CDH1: variants seen among roughly 807,000 people sequenced by gnomAD.
CDH1 encodes the protein cadherin-1.
CDH1 carries 35 observed loss-of-function variants against 84.5 expected under a neutral mutation model. The ratio of observed to expected loss-of-function variants is 0.41; its 90% CI spans 0.32 to 0.55. The LOEUF (loss-of-function observed/expected upper bound fraction) is 0.55, where lower values mean the gene tolerates loss of function less well. Among genes scored for constraint, CDH1 ranks in the 20% least tolerant of loss-of-function variants. CDH1 has a pLI of 0.19. For missense variants in CDH1, 994 were observed against 1,126.6 expected (o/e 0.88, Z 1.68); for synonymous variants, 417 against 439.0 (o/e 0.95, Z 0.63).
intron 9 of CDH1, 87 bp downstream of exon 9, chr16:68,813,582 T>C (rs752196449): frequency 1.5e-6 from 2 of 1,373,402 alleles, no homozygotes; most frequent in Non-Finnish European, 2.1e-6. Context: ...TAGAAGTAGA[T>C]TCGCTTTGGC....
chr16:68,812,576 T>C (rs1181763462), intron 8 of CDH1, among the ~76,000 whole-genome samples: 1 of 152,224 alleles, frequency 6.6e-6, no homozygotes, highest in Admixed American at 6.5e-5. Flanking sequence ...ATTTTCTAAG[T>C]TTATATTAGG....
intron 3 of CDH1, among the ~76,000 whole-genome samples, chr16:68,806,918 C>T (rs1296079441): frequency 2.6e-5 from 4 of 152,122 alleles, no homozygotes; most frequent in Non-Finnish European, 4.4e-5. Flanking sequence ...TGTGATGATA[C>T]CTGGTCATAT....
chr16:68,763,885 T>A (rs1215627505), intron 2 of CDH1, among the ~76,000 whole-genome samples: 2 of 152,196 alleles, frequency 1.3e-5, no homozygotes, highest in Non-Finnish European at 2.9e-5. Context: ...CATTTTAAAA[T>A]AAGCCCATCC....
intron 11 of CDH1, among the ~76,000 whole-genome samples, chr16:68,821,161 A>G (rs10500544): frequency 0.055 from 8,369 of 152,152 alleles, 294 homozygotes; most frequent in African/African-American, 0.09. Flanking sequence ...GTGTCAAGAT[A>G]TAAAAGAAAT....
At chr16:68,743,842 CTA>C (rs1012944293) in intron 2 of CDH1, among the ~76,000 whole-genome samples, 1 of 152,214 alleles carries the variant, frequency 6.6e-6, no homozygotes, top group African/African-American at 2.4e-5. Flanking sequence ...CACTTTACTT[CTA>C]TGAGTCTCAG....
At chr16:68,757,280 G>C (rs62057830) in intron 2 of CDH1, among the ~76,000 whole-genome samples, 1 of 151,778 alleles carries the variant, frequency 6.6e-6, no homozygotes, top group African/African-American at 2.4e-5. Flanking sequence ...GTAGAGACAG[G>C]GTTTCACCAT....
At chr16:68,760,723 G>A (rs1006221655) in intron 2 of CDH1, among the ~76,000 whole-genome samples, 2 of 152,126 alleles carry the variant, frequency 1.3e-5, no homozygotes, top group Non-Finnish European at 2.9e-5. Context: ...CTGACCCAGG[G>A]GTGATAGAAA....
At chr16:68,774,777 A>G (rs1408684905) in intron 2 of CDH1, among the ~76,000 whole-genome samples, 1 of 152,068 alleles carries the variant, frequency 6.6e-6, no homozygotes, top group Non-Finnish European at 1.5e-5. Flanking sequence ...AAGGCTACTC[A>G]CCAACTGATG....
At chr16:68,787,806 C>T (rs1041165941) in intron 2 of CDH1, among the ~76,000 whole-genome samples, 2 of 150,798 alleles carry the variant, frequency 1.3e-5, no homozygotes, top group African/African-American at 4.9e-5. Context: ...TTATAGACAC[C>T]CACCACCACG....
chr16:68,745,554 ATATATATATG>A (rs1187850132), intron 2 of CDH1, among the ~76,000 whole-genome samples: 8 of 30,790 alleles, frequency 2.6e-4, no homozygotes, highest in African/African-American at 4.8e-4. Context: ...AAAAAAATAT[ATATATATATG>A]TATATATATA....
intron 6 of CDH1, among the ~76,000 whole-genome samples, 185 bp downstream of exon 6, chr16:68,810,526 TAGGG>T (rs1366232323): frequency 1.3e-5 from 2 of 152,096 alleles, no homozygotes; most frequent in Non-Finnish European, 2.9e-5. Flanking sequence ...ACATATAAAA[TAGGG>T]AGAGTTTAAG....
chr16:68,775,210 T>C (rs1390388859), intron 2 of CDH1, among the ~76,000 whole-genome samples: 1 of 152,138 alleles, frequency 6.6e-6, no homozygotes, highest in East Asian at 1.9e-4. Flanking sequence ...GCCTCTTAAG[T>C]GTGTGCGTCC....
In CDH1 at chr16:68,797,454, G is replaced by A. The variant is rs918435373; in HGVS notation, c.164-4216G>A. Among the ~76,000 whole-genome samples the A allele has an allele frequency of 3.9e-5, 6 of 152,146 alleles. 1 individual carries two copies. Among genetic ancestry groups the A allele is most frequent in the East Asian group, 1.9e-4 (1 of 5,158 alleles). Reference sequence around the variant, plus strand: ...TCCCAGCACTTTGGGAGGCCAAAGCGGGAAGATGGCTTGAGCCCAGGAGTT... The same window carrying A: ...TCCCAGCACTTTGGGAGGCCAAAGCAGGAAGATGGCTTGAGCCCAGGAGTT... On this transcript the variant is annotated intron_variant, in intron 2 of 15. Transcript: ENST00000261769.
chr16:68,754,045 G>T (rs1962956581), intron 2 of CDH1, among the ~76,000 whole-genome samples: 1 of 151,644 alleles, frequency 6.6e-6, no homozygotes, highest in African/African-American at 2.4e-5. Flanking sequence ...CTTGAACCTG[G>T]GAGGTGGAGC....
rs546782056 is a variant in CDH1, at chr16:68,827,956, C to G, written c.2165-218C>G. On this transcript the variant is annotated intron_variant, in intron 13 of 15. Coordinates refer to ENST00000261769, the MANE Select transcript of CDH1 (RefSeq NM_004360.5). ...ACCCATCTGAAAGTTAAGGACCATG[C>G]TTGAGTTCACATATCACTGTCTACT... is the stretch of plus-strand genomic sequence containing the variant. 2.0e-5 allele frequency among the ~76,000 whole-genome samples: 3 copies of G among 152,190 alleles called. No homozygotes were observed. The East Asian group carries it at 5.8e-4, about 29-fold the overall frequency.
In CDH1 at chr16:68,812,146, G is replaced by A. The variant is rs61747632; in HGVS notation, c.1020G>A (p.Thr340=). The A allele has an allele frequency of 1.4e-4, 234 of 1,614,084 alleles. 3 individuals carry two copies. In the East Asian group the frequency reaches 2.7e-3, roughly 18 times the overall value. Residue 340 remains threonine, a synonymous_variant, in exon 8 of 16, where the codon ACG becomes ACA. Coordinates refer to ENST00000261769, the MANE Select transcript of CDH1 (RefSeq NM_004360.5). The part of the protein sequence containing the change: ...TTGLDRESFP[T]YTLVVQAADL... ...CGATCTCTCTGCAGAGTTTCCCTAC[G>A]TATACCCTGGTGGTTCAAGCTGCTG...
intron 2 of CDH1, among the ~76,000 whole-genome samples, chr16:68,789,758 T>G (rs1004507396): frequency 3.9e-5 from 6 of 152,108 alleles, no homozygotes; most frequent in African/African-American, 1.4e-4. Flanking sequence ...GGCTGAGTAT[T>G]TTTAAAAAGT....
At chr16:68,777,603 G>A (rs543294796) in intron 2 of CDH1, among the ~76,000 whole-genome samples, 1 of 147,136 alleles carries the variant, frequency 6.8e-6, no homozygotes, top group Admixed American at 6.9e-5. Flanking sequence ...TGCAGTGGTG[G>A]TGCAACCACG....
intron 2 of CDH1, among the ~76,000 whole-genome samples, chr16:68,781,982 C>A (rs1049795770): frequency 3.3e-5 from 5 of 152,182 alleles, no homozygotes; most frequent in African/African-American, 1.2e-4. Context: ...AAACCGCAGC[C>A]CAGGAAACTC....
Sources: allele counts gnomAD v4.1 joint callset (sites outside exome capture counted in the v4.1 genomes callset), GRCh38; gene constraint gnomAD v4.1.1; transcripts MANE v1.5; gene names NCBI Gene and HGNC (gene_info 2026-07-23, HGNC 2026-07-21).